The following PPP4R4 variants were observed in gnomAD, a reference collection of about 807,000 sequenced individuals.
PPP4R4 encodes the protein serine/threonine-protein phosphatase 4 regulatory subunit 4.
Under a neutral mutation model 121.8 loss-of-function variants are expected in PPP4R4, and 70 were observed. The ratio of observed to expected loss-of-function variants is 0.57; its 90% confidence interval spans 0.47 to 0.70. PPP4R4 has a LOEUF of 0.70. PPP4R4 is among the 30% of genes least tolerant of loss of function. The pLI is 0.00. For synonymous variants in PPP4R4, 348 were observed against 355.7 expected, an observed-to-expected ratio of 0.98 and a Z score of 0.24; for missense variants, 875 against 1,033.6, an observed-to-expected ratio of 0.85 and a Z score of 2.10.
At chr14:94,194,900 C>A (rs1358560693) in intron 2 of PPP4R4, among the ~76,000 whole-genome samples, 1 of 152,172 alleles carries the variant, frequency 6.6e-6, no homozygotes, top group East Asian at 1.9e-4. Context: ...AGTCAGTGAC[C>A]CTTTTGTCTG....
intron 5 of PPP4R4, among the ~76,000 whole-genome samples, chr14:94,233,190 A>G (rs889641116): frequency 5.9e-5 from 9 of 152,330 alleles, no homozygotes; most frequent in Middle Eastern, 3.4e-3. Flanking sequence ...GTATATACAT[A>G]ATGCAATATC....
chr14:94,253,797 C>T (rs1893318737), intron 16 of PPP4R4, among the ~76,000 whole-genome samples: 1 of 152,186 alleles, frequency 6.6e-6, no homozygotes. Context: ...TTGGTTCCTA[C>T]TCTCTTGCCT....
intron 18 of PPP4R4, 101 bp from the exon 19 acceptor site, chr14:94,259,194 G>A: frequency 6.7e-7 from 1 of 1,495,542 alleles, no homozygotes; most frequent in African/African-American, 1.4e-5. Context: ...TTTGGATGGG[G>A]ACACAGAGTC....
chr14:94,205,760 G>T (rs1209599079), intron 2 of PPP4R4, among the ~76,000 whole-genome samples: 1 of 151,892 alleles, frequency 6.6e-6, no homozygotes, highest in Admixed American at 6.6e-5. Flanking sequence ...AAATACAGAA[G>T]TTTGTTGTTT....
At chr14:94,204,160 T>TA (rs1324105016) in intron 2 of PPP4R4, among the ~76,000 whole-genome samples, 3 of 152,230 alleles carry the variant, frequency 2.0e-5, no homozygotes, top group Non-Finnish European at 4.4e-5. Context: ...TCTATTGTTA[T>TA]ATGTTTCACA....
chr14:94,274,242 A>G (rs1280392338), intron 23 of PPP4R4, among the ~76,000 whole-genome samples: 1 of 152,154 alleles, frequency 6.6e-6, no homozygotes, highest in Non-Finnish European at 1.5e-5. Flanking sequence ...TGATTTTGGA[A>G]TACACAAAGA....
At chr14:94,243,997 T>A (rs539044444) in intron 11 of PPP4R4, among the ~76,000 whole-genome samples, 1 of 152,200 alleles carries the variant, frequency 6.6e-6, no homozygotes, top group African/African-American at 2.4e-5. Context: ...AAATAAAACT[T>A]TATTCAAGCC....
In PPP4R4 at chr14:94,241,885, G is replaced by A. The variant is rs1368813742; in HGVS notation, c.1074G>A (p.Gln358=). The change falls in exon 10 of 25, where the codon CAG becomes CAA. Residue 358 remains glutamine (Q), a synonymous_variant. Transcript: ENST00000304338. The part of the protein sequence containing the change: ...LQQENGHNEN[Q]IPPQILEQEK... ...AAGAAAATGGACACAATGAAAACCA[G>A]ATTCCACCCCAAATCCTAGAGCAGG... The A allele has an allele frequency of 6.2e-7, 1 of 1,611,200 alleles. No individual in the cohort carries two copies. The highest frequency in any genetic ancestry group is 2.2e-5 in the East Asian group (1 of 44,696).
At chr14:94,240,522 C>A in intron 8 of PPP4R4, 151 bp from the exon 9 acceptor site, 1 of 775,420 alleles carries the variant, frequency 1.3e-6, no homozygotes, top group Non-Finnish European at 1.9e-6. Context: ...TTTCACCACC[C>A]ACCTCCATCG....
rs1894824982 is a variant in PPP4R4 at position 94,279,644 on chromosome 14, A to G, written c.*1001A>G. 1.3e-5 allele frequency: 2 copies of G among 152,640 alleles called. No homozygotes were observed. The highest frequency in any genetic ancestry group is 4.1e-4 in the South Asian group (2 of 4,836). 9.5% of individuals were successfully genotyped at this position (152,640 alleles called of 1,614,324 possible). Reference sequence around the variant, plus strand: ...ATTGATGTATGATAAAGATGATCTAATTTGTGAATGCATATGTATGTGTGG... The same window carrying G: ...ATTGATGTATGATAAAGATGATCTAGTTTGTGAATGCATATGTATGTGTGG... On this transcript the variant is annotated 3_prime_UTR_variant, in exon 25 of 25. Transcript: ENST00000304338.
intron 3 of PPP4R4, among the ~76,000 whole-genome samples, chr14:94,218,054 A>G (rs376558163): frequency 6.6e-6 from 1 of 152,180 alleles, no homozygotes; most frequent in African/African-American, 2.4e-5. Flanking sequence ...CATTTCTTCA[A>G]TGGGCTTATC....
chr14:94,200,140 T>C (rs1890096274), intron 2 of PPP4R4, among the ~76,000 whole-genome samples: 2 of 152,170 alleles, frequency 1.3e-5, no homozygotes, highest in African/African-American at 4.8e-5. Context: ...TAATTTATAT[T>C]TCTTTTCTAT....
chr14:94,208,626 T>A (rs1037732670), intron 3 of PPP4R4, 60 bp downstream of exon 3: 11 of 1,371,768 alleles, frequency 8.0e-6, no homozygotes, highest in Non-Finnish European at 1.1e-5. Flanking sequence ...ATGTTGTCAT[T>A]GTTGAAAGGA....
chr14:94,224,625 C>T (rs1365932083), intron 3 of PPP4R4, among the ~76,000 whole-genome samples: 1 of 152,132 alleles, frequency 6.6e-6, no homozygotes, highest in Admixed American at 6.5e-5. Flanking sequence ...GGACAAGAGA[C>T]TGGAGGAGGC....
At chr14:94,251,963 C>T (rs1201977927) in intron 16 of PPP4R4, 67 bp downstream of exon 16, 4 of 1,346,918 alleles carry the variant, frequency 3.0e-6, no homozygotes, top group African/African-American at 1.5e-5. Context: ...TGAACATATG[C>T]AAAATCTTTT....
chr14:94,239,127 T>A (rs1892492160), intron 8 of PPP4R4, among the ~76,000 whole-genome samples: 2 of 151,888 alleles, frequency 1.3e-5, no homozygotes, highest in Admixed American at 1.3e-4. Context: ...CCTCTAGTCT[T>A]CTCTCATACT....
intron 23 of PPP4R4, among the ~76,000 whole-genome samples, chr14:94,272,477 T>C (rs1216308699): frequency 6.6e-6 from 1 of 152,136 alleles, no homozygotes; most frequent in African/African-American, 2.4e-5. Flanking sequence ...AAATTAGATC[T>C]TTTACACCCT....
intron 19 of PPP4R4, among the ~76,000 whole-genome samples, chr14:94,264,107 A>T (rs982313511): frequency 2.0e-5 from 3 of 152,116 alleles, no homozygotes; most frequent in Non-Finnish European, 2.9e-5. Flanking sequence ...TCATTGAGCT[A>T]TGAATTTGTA....
At chr14:94,190,708 G>A (rs1889547640) in intron 2 of PPP4R4, among the ~76,000 whole-genome samples, 1 of 151,988 alleles carries the variant, frequency 6.6e-6, no homozygotes, top group East Asian at 1.9e-4. Flanking sequence ...TTAACAGGAG[G>A]GAGCTTACAA....
Sources: allele counts gnomAD v4.1 joint callset (sites outside exome capture counted in the v4.1 genomes callset), GRCh38; gene constraint gnomAD v4.1.1; transcripts MANE v1.5; gene names NCBI Gene and HGNC (gene_info 2026-07-23, HGNC 2026-07-21).